ULK4: variants seen among roughly 807,000 people sequenced by gnomAD.
ULK4 encodes the protein unc-51 like kinase 4, also known as inactive serine/threonine-protein kinase ULK4.
ULK4 carries 133 observed loss-of-function variants against 160.6 expected under a neutral mutation model. The observed-to-expected ratio is 0.83, with a 90% CI of 0.72 to 0.96. The LOEUF (loss-of-function observed/expected upper bound fraction) is 0.96, where lower values mean the gene tolerates loss of function less well. ULK4 is among the 40% of genes least tolerant of loss of function. ULK4 has a pLI of 0.00. For missense variants in ULK4, 1,580 were observed against 1,499.5 expected, an observed-to-expected ratio of 1.05 and a Z score of -0.89; for synonymous variants, 534 against 539.8, an observed-to-expected ratio of 0.99 and a Z score of 0.15.
chr3:41,828,831 T>G (rs1471820851), intron 18 of ULK4, among the ~76,000 whole-genome samples: 1 of 152,140 alleles, frequency 6.6e-6, no homozygotes, highest in Non-Finnish European at 1.5e-5. Flanking sequence ...AGAGCCCACA[T>G]TGCCAAGTCA....
intron 35 of ULK4, among the ~76,000 whole-genome samples, chr3:41,291,067 GT>G (rs1012612952): frequency 6.6e-6 from 1 of 152,004 alleles, no homozygotes; most frequent in African/African-American, 2.4e-5. Flanking sequence ...TTTTGTTTTT[GT>G]TTTTGGTTCG....
chr3:41,922,583 G>A (rs1486947928), intron 5 of ULK4, among the ~76,000 whole-genome samples: 1 of 121,810 alleles, frequency 8.2e-6, no homozygotes, highest in Non-Finnish European at 1.6e-5. Flanking sequence ...GGTGTTGCTG[G>A]AACACAAAGC....
At chr3:41,851,774 A>C (rs1211037135) in intron 17 of ULK4, among the ~76,000 whole-genome samples, 1 of 152,124 alleles carries the variant, frequency 6.6e-6, no homozygotes, top group Non-Finnish European at 1.5e-5. Flanking sequence ...TATAGCACTA[A>C]ATGCCCACAA....
chr3:41,641,159 G>A (rs1031396603), intron 30 of ULK4, among the ~76,000 whole-genome samples: 17 of 152,140 alleles, frequency 1.1e-4, no homozygotes, highest in African/African-American at 3.9e-4. Flanking sequence ...GGCTGAATAC[G>A]CAATATCCAT....
Position 41,738,960 on chromosome 3 carries a change from G to A in ULK4, c.2321+15401C>T, listed in dbSNP as rs1418743134. ...CCCCTACAGCAAATGGAGCCCCAGG[G>A]AAGCATCAATAAGTGAATCACAATA... On this transcript the variant is annotated intron_variant, in intron 22 of 36. Coordinates refer to ENST00000301831, the MANE Select transcript of ULK4 (RefSeq NM_017886.4). Among the ~76,000 whole-genome samples, 4 of 151,992 alleles carry A rather than the reference G, an allele frequency of 2.6e-5. No homozygotes were observed. The East Asian group carries it at 7.7e-4, about 29-fold the overall frequency.
chr3:41,717,744 C>T lies in ULK4; in HGVS notation c.2439G>A (p.Glu813=), dbSNP rs368040837. Reference sequence around the variant, plus strand: ...CCAATTTACCCAGGATTCGTGGCAGCTCCTGCACAATGTGACAGATGAGAA... The same window carrying T: ...CCAATTTACCCAGGATTCGTGGCAGTTCCTGCACAATGTGACAGATGAGAA... ...LDLLICHIVQ[E]LPRILGDILN... Residue 813 remains glutamate, a synonymous_variant, in exon 23 of 37, where the codon GAG becomes GAA. Transcript: ENST00000301831. 9.1e-5 allele frequency: 147 copies of T among 1,613,802 alleles called. 1 individual carries two copies. The highest frequency in any genetic ancestry group is 4.9e-4 in the Middle Eastern group (3 of 6,084).
chr3:41,344,343 A>C (rs552523037), intron 35 of ULK4, among the ~76,000 whole-genome samples: 21 of 152,334 alleles, frequency 1.4e-4, no homozygotes, highest in African/African-American at 4.8e-4. Context: ...TGGATTAAAG[A>C]CTTAAATATA....
chr3:41,853,540 G>A (rs1488056322), intron 17 of ULK4, among the ~76,000 whole-genome samples: 1 of 152,138 alleles, frequency 6.6e-6, no homozygotes, highest in Non-Finnish European at 1.5e-5. Flanking sequence ...TACACTTAAA[G>A]AATAAACTAT....
chr3:41,838,224 T>C (rs998322317), intron 17 of ULK4, among the ~76,000 whole-genome samples: 1 of 152,170 alleles, frequency 6.6e-6, no homozygotes, highest in African/African-American at 2.4e-5. Flanking sequence ...GGCCAAAATA[T>C]AGGTAAATAC....
intron 22 of ULK4, among the ~76,000 whole-genome samples, chr3:41,745,691 G>A (rs1326481144): frequency 2.6e-5 from 4 of 151,510 alleles, no homozygotes; most frequent in Non-Finnish European, 5.9e-5. Context: ...AAGGGAAGGA[G>A]GGAGAAAGCA....
At chr3:41,437,479 A>G (rs1165356607) in intron 34 of ULK4, among the ~76,000 whole-genome samples, 1 of 152,200 alleles carries the variant, frequency 6.6e-6, no homozygotes, top group Non-Finnish European at 1.5e-5. Flanking sequence ...TCTGGTGTGT[A>G]AACAGCTGGC....
chr3:41,647,462 A>T (rs1046466735), intron 30 of ULK4, among the ~76,000 whole-genome samples: 1 of 152,234 alleles, frequency 6.6e-6, no homozygotes, highest in Non-Finnish European at 1.5e-5. Context: ...GGTCCACTCC[A>T]GACCCTGTTT....
intron 31 of ULK4, among the ~76,000 whole-genome samples, chr3:41,590,556 A>C (rs556402608): frequency 1.3e-5 from 2 of 151,700 alleles, no homozygotes; most frequent in Admixed American, 6.5e-5. Flanking sequence ...GAATTGTTCG[A>C]ACCTGGGAGG....
chr3:41,824,258 T>C (rs921075017), intron 18 of ULK4, among the ~76,000 whole-genome samples: 7 of 151,304 alleles, frequency 4.6e-5, no homozygotes, highest in Non-Finnish European at 7.4e-5. Flanking sequence ...CGATGGGTGA[T>C]TTCTGCATTT....
intron 35 of ULK4, among the ~76,000 whole-genome samples, chr3:41,308,047 G>A (rs1459288758): frequency 2.0e-5 from 3 of 152,122 alleles, no homozygotes; most frequent in African/African-American, 7.2e-5. Context: ...CAGGAACAGA[G>A]TAGAGATTAT....
At chr3:41,340,215 G>C (rs779252653) in intron 35 of ULK4, among the ~76,000 whole-genome samples, 2 of 152,348 alleles carry the variant, frequency 1.3e-5, no homozygotes, top group Non-Finnish European at 2.9e-5. Flanking sequence ...TTACTGAAGA[G>C]AGAAAAATAG....
intron 29 of ULK4, among the ~76,000 whole-genome samples, chr3:41,677,540 C>T (rs139988320): frequency 0.028 from 4,296 of 150,804 alleles, 211 homozygotes; most frequent in African/African-American, 0.099. Flanking sequence ...ACCATGTTAG[C>T]CAGGATGGTC....
chr3:41,918,595 C>CTTTTTTTT (rs36064862), intron 6 of ULK4, 55 bp from the exon 7 acceptor site: 6 of 226,786 alleles, frequency 2.6e-5, no homozygotes, highest in African/African-American at 9.9e-5. Flanking sequence ...ACCAATAATT[C>CTTTTTTTT]TTTTTTTTTT....
chr3:41,664,010 G>A (rs2035272604), intron 29 of ULK4, among the ~76,000 whole-genome samples: 1 of 152,120 alleles, frequency 6.6e-6, no homozygotes, highest in South Asian at 2.1e-4. Context: ...TGAAAAATCT[G>A]AAAAACATAC....
Sources: gnomAD v4.1 joint callset for allele counts (sites outside exome capture counted in the v4.1 genomes callset) on GRCh38, gnomAD v4.1.1 for gene constraint, MANE v1.5 for transcripts, NCBI Gene and HGNC (gene_info 2026-07-23, HGNC 2026-07-21) for gene names.